Variants in THRB observed in about 807,000 individuals in gnomAD.
THRB encodes thyroid hormone receptor beta, also known as nuclear receptor subfamily 1 group A member 2.
Under a neutral mutation model 47.8 loss-of-function variants are expected in THRB, and 12 were observed. The ratio of observed to expected loss-of-function variants is 0.25; its 90% CI spans 0.16 to 0.41. The LOEUF (loss-of-function observed/expected upper bound fraction) is 0.41, where lower values mean the gene tolerates loss of function less well. Among genes scored for constraint, THRB ranks in the 10% least tolerant of loss-of-function variants. THRB has a pLI of 1.00. For missense variants in THRB, 348 were observed against 589.2 expected, an observed-to-expected ratio of 0.59 and a Z score of 4.24; for synonymous variants, 218 against 212.2, an observed-to-expected ratio of 1.03 and a Z score of -0.24.
intron 5 of THRB, among the ~76,000 whole-genome samples, chr3:24,186,822 G>C (rs1033342497): frequency 2.0e-5 from 3 of 151,552 alleles, no homozygotes; most frequent in African/African-American, 7.3e-5. Flanking sequence ...GTGCATGCTT[G>C]TAATCCCAGC....
intron 5 of THRB, among the ~76,000 whole-genome samples, chr3:24,171,802 A>C (rs1360638056): frequency 6.6e-6 from 1 of 152,130 alleles, no homozygotes; most frequent in Non-Finnish European, 1.5e-5. Context: ...ACCATTTTAG[A>C]AACTTTTACT....
At chr3:24,458,651 GCAGCAAATGTAT>G (rs2073410937) in intron 1 of THRB, 1 of 152,122 alleles carries the variant, frequency 6.6e-6, no homozygotes, top group Non-Finnish European at 1.5e-5. Context: ...CCCCTACAGT[GCAGCAAATGTAT>G]CAGCAACCTG....
chr3:24,138,962 T>G (rs1350291010), intron 8 of THRB, among the ~76,000 whole-genome samples: 1 of 152,204 alleles, frequency 6.6e-6, no homozygotes, highest in East Asian at 1.9e-4. Context: ...CAATAATAAA[T>G]GATGTCAATA....
intron 1 of THRB, among the ~76,000 whole-genome samples, chr3:24,385,763 C>T (rs954224016): frequency 5.9e-5 from 9 of 152,156 alleles, no homozygotes; most frequent in African/African-American, 2.2e-4. Context: ...GAAGGCAGGT[C>T]TGTGTTCCCA....
intron 2 of THRB, among the ~76,000 whole-genome samples, chr3:24,302,191 A>G (rs1163051685): frequency 2.0e-5 from 3 of 152,236 alleles, no homozygotes; most frequent in African/African-American, 7.2e-5. Context: ...AAGTAGGGCA[A>G]CAACCGTTCT....
intron 2 of THRB, among the ~76,000 whole-genome samples, chr3:24,315,740 C>T (rs2058072620): frequency 6.6e-6 from 1 of 152,186 alleles, no homozygotes; most frequent in Non-Finnish European, 1.5e-5. Flanking sequence ...ACTTTACTCT[C>T]CTCTCAACTC....
At chr3:24,297,127 TAAG>T (rs2056514642) in intron 3 of THRB, 96 bp downstream of exon 3, 1 of 152,228 alleles carries the variant, frequency 6.6e-6, no homozygotes, top group African/African-American at 2.4e-5. Context: ...AATGAATTAA[TAAG>T]AAGTGTAAGT....
intron 1 of THRB, among the ~76,000 whole-genome samples, chr3:24,358,064 G>T (rs1466186132): frequency 6.6e-6 from 1 of 152,120 alleles, no homozygotes; most frequent in Non-Finnish European, 1.5e-5. Flanking sequence ...TTAGCCCAGA[G>T]AACAGTGACT....
intron 4 of THRB, among the ~76,000 whole-genome samples, chr3:24,220,401 G>A (rs1050353004): frequency 6.6e-6 from 1 of 152,130 alleles, no homozygotes; most frequent in African/African-American, 2.4e-5. Context: ...TGAGATGGGG[G>A]AATCACACGA....
chr3:24,146,033 A>C (rs1012092103), intron 7 of THRB, among the ~76,000 whole-genome samples: 11 of 152,204 alleles, frequency 7.2e-5, no homozygotes, highest in African/African-American at 1.9e-4. Flanking sequence ...CCCAAGGGCT[A>C]ATCTCGCCAC....
chr3:24,346,056 T>C (rs1559984653), intron 1 of THRB, among the ~76,000 whole-genome samples: 1 of 152,008 alleles, frequency 6.6e-6, no homozygotes, highest in Non-Finnish European at 1.5e-5. Flanking sequence ...GATGGGAGCT[T>C]GGAAACACAG....
In THRB at chr3:24,481,229, G is replaced by GTTTTTTTTTTTTTTTTTTTTTTT. The variant is rs746323691; in HGVS notation, c.-261+13400_-261+13422dup. 2.2e-4 allele frequency among the ~76,000 whole-genome samples: 12 copies of GTTTTTTTTTTTTTTTTTTTTTTT among 55,368 alleles called. 1 individual carries two copies. The highest frequency in any genetic ancestry group is 6.1e-4 in the African/African-American group (8 of 13,076). 36.3% of individuals were successfully genotyped at this position (55,368 alleles called of 152,430 possible). A position where few individuals can be genotyped will look rare whatever the true frequency, so the allele number is the denominator to read the frequency against. ...TATATGTGTGGATGCGTTTCTTTCT[G>GTTTTTTTTTTTTTTTTTTTTTTT]TTTTTTTTTTTTTTTTTTTTTTTTT... On this transcript the variant is annotated intron_variant, in intron 1 of 10. Transcript: ENST00000646209.
intron 1 of THRB, among the ~76,000 whole-genome samples, chr3:24,382,257 G>C (rs770332147): frequency 1.7e-4 from 26 of 151,880 alleles, no homozygotes; most frequent in Non-Finnish European, 4.4e-5. Context: ...AGCGTCATTA[G>C]GAAAAAAAAT....
intron 1 of THRB, among the ~76,000 whole-genome samples, chr3:24,493,608 CTAAATTTATGTGGACAAAGG>C (rs1208878491): frequency 6.6e-6 from 1 of 152,156 alleles, no homozygotes; most frequent in Non-Finnish European, 1.5e-5. Context: ...TTCAAAAATT[CTAAATTTATGTGGACAAAGG>C]AGAATGGAGA....
chr3:24,381,797 C>G (rs1047013474), intron 1 of THRB, among the ~76,000 whole-genome samples: 30 of 151,760 alleles, frequency 2.0e-4, no homozygotes, highest in African/African-American at 6.8e-4. Flanking sequence ...ACCCAACCCA[C>G]GAAGTTCAGT....
At chr3:24,271,901 G>T (rs941419561) in intron 3 of THRB, among the ~76,000 whole-genome samples, 7 of 152,150 alleles carry the variant, frequency 4.6e-5, no homozygotes, top group African/African-American at 1.7e-4. Flanking sequence ...AAATGATGTA[G>T]AGAAAAGGAT....
intron 3 of THRB, among the ~76,000 whole-genome samples, chr3:24,284,617 A>C (rs573672248): frequency 6.6e-6 from 1 of 150,610 alleles, no homozygotes; most frequent in South Asian, 2.1e-4. Context: ...TGCACAGCAA[A>C]AGAAACTACC....
intron 1 of THRB, among the ~76,000 whole-genome samples, chr3:24,416,393 T>C (rs2068734515): frequency 6.6e-6 from 1 of 151,828 alleles, no homozygotes; most frequent in Admixed American, 6.6e-5. Context: ...TCCAAGTGAC[T>C]CCTAAACTTC....
At chr3:24,320,148 C>T (rs1254515918) in intron 2 of THRB, among the ~76,000 whole-genome samples, 1 of 152,104 alleles carries the variant, frequency 6.6e-6, no homozygotes, top group African/African-American at 2.4e-5. Flanking sequence ...AGAGTGTAAG[C>T]ATACTAAAAC....
Sources: gnomAD v4.1 joint callset for allele counts (sites outside exome capture counted in the v4.1 genomes callset) on GRCh38, gnomAD v4.1.1 for gene constraint, MANE v1.5 for transcripts, NCBI Gene and HGNC (gene_info 2026-07-23, HGNC 2026-07-21) for gene names.